DIP2C: variants seen among roughly 807,000 people sequenced by gnomAD.
DIP2C encodes the protein DIP2 acetate--CoA ligase C (putative).
DIP2C carries 33 observed loss-of-function variants against 192.4 expected under a neutral mutation model. The ratio of observed to expected loss-of-function variants is 0.17; its 90% CI spans 0.13 to 0.23. DIP2C has a LOEUF of 0.23. Ranked by LOEUF, DIP2C falls within the 10% of genes least tolerant of loss-of-function variation. The pLI is 1.00. For missense variants in DIP2C, 1,537 were observed against 2,110.1 expected (o/e 0.73, Z 5.32); for synonymous variants, 979 against 864.1 (o/e 1.13, Z -2.33).
In DIP2C at chr10:556,225, ACGG is replaced by A. The variant is rs1189182173; in HGVS notation, c.86-69698_86-69696del. Among the ~76,000 whole-genome samples the A allele has an allele frequency of 2.9e-3, 128 of 44,372 alleles. 18 individuals are homozygous for A. The highest frequency in any genetic ancestry group is 3.9e-3 in the Admixed American group (12 of 3,094). 29.1% of individuals were successfully genotyped at this position (44,372 alleles called of 152,430 possible). On this transcript the variant is annotated intron_variant, in intron 1 of 36. Coordinates refer to ENST00000280886, the MANE Select transcript of DIP2C (RefSeq NM_014974.3). Reference sequence around the variant, plus strand: ...ACCCCTCCCACAGCCGGATCCCAGGACGGCACCCACCCACCCCTCCCACAGCCG... The same window carrying A: ...ACCCCTCCCACAGCCGGATCCCAGGACACCCACCCACCCCTCCCACAGCCG...
rs376279502 is a variant in DIP2C at position 617,249 on chromosome 10, T to C, written c.85+72245A>G. On this transcript the variant is annotated intron_variant, in intron 1 of 36. Coordinates refer to ENST00000280886, the MANE Select transcript of DIP2C (RefSeq NM_014974.3). ...CCCCCCACTACCGCACATGCCTCTC[T>C]ACAAACTTGGGGGACTGCAAATAGC... Among the ~76,000 whole-genome samples the C allele has an allele frequency of 3.8e-3, 528 of 138,892 alleles. 7 individuals are homozygous for C. Among genetic ancestry groups the C allele is most frequent in the African/African-American group, 0.013 (475 of 37,808 alleles). 91.1% of individuals were successfully genotyped at this position (138,892 alleles called of 152,430 possible). A position where few individuals can be genotyped will look rare whatever the true frequency, so the allele number is the denominator to read the frequency against.
intron 1 of DIP2C, among the ~76,000 whole-genome samples, chr10:542,468 T>C (rs897815786): frequency 2.6e-5 from 4 of 152,228 alleles, no homozygotes; most frequent in African/African-American, 9.7e-5. Flanking sequence ...CCAGCAGGAC[T>C]GCCAGCGGCC....
In DIP2C at chr10:422,808, C is replaced by T. The variant is rs4881290; in HGVS notation, c.604+16G>A. Reference sequence around the variant, plus strand: ...TTACACAACAGGCACAGAAAGACACCGTGAAGCGTGCTCACCTATGTGGGT... The same window carrying T: ...TTACACAACAGGCACAGAAAGACACTGTGAAGCGTGCTCACCTATGTGGGT... On this transcript the variant is annotated intron_variant, in intron 5 of 36. Transcript: ENST00000280886. 1,599,974 of 1,606,438 alleles carry T rather than the reference C, an allele frequency of 1. 796,974 individuals are homozygous for T. Among genetic ancestry groups the T allele is most frequent in the East Asian group, 1 (44,840 of 44,840 alleles).
intron 1 of DIP2C, among the ~76,000 whole-genome samples, chr10:602,688 TACA>T (rs1277455982): frequency 6.6e-6 from 1 of 152,220 alleles, no homozygotes; most frequent in Non-Finnish European, 1.5e-5. Flanking sequence ...ACAGTCATGT[TACA>T]ACATTAGCCA....
intron 1 of DIP2C, among the ~76,000 whole-genome samples, chr10:677,075 T>C (rs954774135): frequency 2.0e-5 from 3 of 152,214 alleles, no homozygotes; most frequent in African/African-American, 7.2e-5. Context: ...AATGTGTCCA[T>C]TAAAAAGAAT....
Position 275,357 on chromosome 10 carries a change from G to A in DIP2C, c.*1968C>T, listed in dbSNP as rs1437463550. ...GACTAGGAATGTGCATCTGAAGCATGTGGAGAAATATTCACACACAGCAAT... is the reference window on the plus strand; with the variant it reads ...GACTAGGAATGTGCATCTGAAGCATATGGAGAAATATTCACACACAGCAAT... On this transcript the variant is annotated 3_prime_UTR_variant, in exon 37 of 37. Coordinates refer to ENST00000280886, the MANE Select transcript of DIP2C (RefSeq NM_014974.3). 1 of 152,066 alleles carries A rather than the reference G, an allele frequency of 6.6e-6. No individual in the cohort carries two copies. Among genetic ancestry groups the A allele is most frequent in the African/African-American group, 2.4e-5 (1 of 41,408 alleles). 9.4% of individuals were successfully genotyped at this position (152,066 alleles called of 1,614,324 possible).
At chr10:648,228 A>AC (rs1189610803) in intron 1 of DIP2C, among the ~76,000 whole-genome samples, 1 of 151,290 alleles carries the variant, frequency 6.6e-6, no homozygotes, top group Non-Finnish European at 1.5e-5. Flanking sequence ...GAACAGAGGG[A>AC]AACAGTCCAA....
intron 3 of DIP2C, among the ~76,000 whole-genome samples, chr10:446,411 G>A (rs1216537044): frequency 2.6e-5 from 4 of 152,334 alleles, no homozygotes; most frequent in South Asian, 4.1e-4. Context: ...ATGGTCCACT[G>A]GGCATCTGTA....
In DIP2C at chr10:329,449, T is replaced by C; in HGVS notation, c.3737A>G (p.Gln1246Arg). The change falls in exon 30 of 37, where the codon CAA becomes CGA. Residue 1246 changes from glutamine (Q) to arginine (R), a missense_variant. Transcript: ENST00000280886. The part of the protein sequence containing the change: ...MELCTKGLGS[Q>R]TESLKARGLD... The stretch of plus-strand genomic sequence containing the variant: ...GCTGCTTACCTTGAGGGACTCTGTT[T>C]GCGAGCCCAGCCCCTTGGTGCACAG... 2 of 1,613,760 alleles carry C rather than the reference T, an allele frequency of 1.2e-6. No individual in the cohort carries two copies. Among genetic ancestry groups the C allele is most frequent in the Non-Finnish European group, 1.7e-6 (2 of 1,179,836 alleles).
At position 512,734 on chromosome 10, in the gene DIP2C, CAAAACCCCATCTCTAAT is replaced by C. The variant is rs562922597; in HGVS notation, c.86-26221_86-26205del. Among the ~76,000 whole-genome samples, 16 of 152,074 alleles carry C rather than the reference CAAAACCCCATCTCTAAT, an allele frequency of 1.1e-4. No individual in the cohort carries two copies. The East Asian group carries it at 3.1e-3, about 29-fold the overall frequency. On this transcript the variant is annotated intron_variant, in intron 1 of 36. Coordinates refer to ENST00000280886, the MANE Select transcript of DIP2C (RefSeq NM_014974.3). Reference sequence around the variant, plus strand: ...TTTGAGACCAGCCTGGCCAATATGGCAAAACCCCATCTCTAATAAAAACACAAAAATTAGCCAGGCAT... The same window carrying C: ...TTTGAGACCAGCCTGGCCAATATGGCAAAAACACAAAAATTAGCCAGGCAT...
intron 4 of DIP2C, among the ~76,000 whole-genome samples, chr10:438,192 T>TA (rs1967425704): frequency 6.6e-6 from 1 of 152,244 alleles, no homozygotes; most frequent in Non-Finnish European, 1.5e-5. Context: ...ACAATGAGGT[T>TA]ATTCATCACA....
intron 1 of DIP2C, among the ~76,000 whole-genome samples, chr10:548,213 C>T (rs28709092): frequency 3.0e-5 from 3 of 100,208 alleles, no homozygotes; most frequent in Non-Finnish European, 4.4e-5. Flanking sequence ...GCCCCACCCC[C>T]CCCCCCACAG....
In DIP2C at chr10:369,751, A is replaced by G. The variant is rs769423631; in HGVS notation, c.1992-118T>C. On this transcript the variant is annotated intron_variant, in intron 17 of 36. Coordinates refer to ENST00000280886, the MANE Select transcript of DIP2C (RefSeq NM_014974.3). ...CCTCTGGGCACAGTGCTGGCACCCC[A>G]GGCACAGTGCTGGCTGCCCATGTGG... The G allele has an allele frequency of 6.5e-6, 10 of 1,537,042 alleles. No homozygotes were observed. In the South Asian group the frequency reaches 1.1e-4, roughly 17 times the overall value.
chr10:619,435 C>T (rs1194795240), intron 1 of DIP2C, among the ~76,000 whole-genome samples: 2 of 150,548 alleles, frequency 1.3e-5, no homozygotes, highest in African/African-American at 2.5e-5. Flanking sequence ...TTATGGCACC[C>T]ACCATCTTCA....
chr10:274,294 C>T lies in DIP2C; in HGVS notation c.*3031G>A, dbSNP rs1170374645. On this transcript the variant is annotated 3_prime_UTR_variant, in exon 37 of 37. Transcript: ENST00000280886. ...TAGGAATTATTTTTAGCAATAAATG[C>T]CCACATCAAAATTTAAACATTTTTC... 3 of 152,066 alleles carry T rather than the reference C, an allele frequency of 2.0e-5. No homozygotes were observed. The highest frequency in any genetic ancestry group is 7.2e-5 in the African/African-American group (3 of 41,410). The allele number at this position is 152,066 out of a possible 1,614,324, so 9.4% of individuals were successfully genotyped here.
At chr10:519,269 C>T (rs1195432545) in intron 1 of DIP2C, among the ~76,000 whole-genome samples, 1 of 152,188 alleles carries the variant, frequency 6.6e-6, no homozygotes, top group Admixed American at 6.5e-5. Flanking sequence ...TGTGAAGCTG[C>T]CAACAGCTGT....
chr10:375,468 T>TTA (rs1275180286), intron 17 of DIP2C, among the ~76,000 whole-genome samples: 1 of 152,172 alleles, frequency 6.6e-6, no homozygotes, highest in Non-Finnish European at 1.5e-5. Flanking sequence ...ACACATTCCT[T>TTA]TATAACAATG....
Position 356,442 on chromosome 10 carries a change from G to A in DIP2C, c.2969C>T (p.Thr990Met), listed in dbSNP as rs771478891. 1.7e-5 allele frequency: 28 copies of A among 1,611,718 alleles called. No individual in the cohort carries two copies. The Admixed American group carries it at 2.5e-4, about 14-fold the overall frequency. ...AQTTPDHILY[T>M]LLNCRGAIAN... ...GCGCCTCACCCGACAGTTGAGCAGC[G>A]TGTAGAGGATGTGGTCCGGGGTGGT... Residue 990 changes from threonine to methionine, a missense_variant, in exon 24 of 37, where the codon ACG (threonine) becomes ATG (methionine). Physicochemically the swap from Thr to Met is moderately conservative, Grantham distance 81. This residue lies in a region of DIP2C where 677 missense variants were observed against 989.9 expected (regional missense o/e 0.68). Coordinates refer to ENST00000280886, the MANE Select transcript of DIP2C (RefSeq NM_014974.3).
chr10:378,592 T>TGCATAA (rs10650305), intron 17 of DIP2C, among the ~76,000 whole-genome samples: 1 of 147,770 alleles, frequency 6.8e-6, no homozygotes, highest in Non-Finnish European at 1.5e-5. Flanking sequence ...AACGCAGACA[T>TGCATAA]AGACACACAT....
Sources: gnomAD v4.1 joint callset for allele counts (sites outside exome capture counted in the v4.1 genomes callset) on GRCh38, gnomAD v4.1.1 for gene constraint, gnomAD v4.1.1 regional missense constraint, MANE v1.5 for transcripts, NCBI Gene and HGNC (gene_info 2026-07-23, HGNC 2026-07-21) for gene names.